Variants in PACRG observed in about 807,000 individuals in gnomAD.
PACRG encodes the protein parkin coregulated gene protein.
In PACRG, 29 loss-of-function variants were observed where a neutral mutation model predicts 29.7. The ratio of observed to expected loss-of-function variants is 0.98; its 90% CI spans 0.73 to 1.33. The LOEUF (loss-of-function observed/expected upper bound fraction) is 1.33, where lower values mean the gene tolerates loss of function less well. Ranked by LOEUF, PACRG falls within the 40% of genes most tolerant of loss-of-function variation. The pLI, the probability that PACRG is intolerant of heterozygous loss-of-function variation, is 0.00. For missense variants in PACRG, 279 were observed against 316.2 expected (o/e 0.88, Z 0.89); for synonymous variants, 116 against 118.7 (o/e 0.98, Z 0.15).
chr6:162,816,601 C>T (rs1787371275), intron 2 of PACRG, among the ~76,000 whole-genome samples: 1 of 152,186 alleles, frequency 6.6e-6, no homozygotes, highest in Non-Finnish European at 1.5e-5. Context: ...ATCCGCCTGT[C>T]TCAGCTTCCC....
At chr6:162,727,360 T>C (rs1159813250), upstream of PACRG, 2 of 399,504 alleles carry the variant, frequency 5.0e-6, no homozygotes, top group East Asian at 5.8e-5. Flanking sequence ...CCCCACACGG[T>C]CCGGGGGACC....
At chr6:162,885,212 CA>C (rs1794227074) in intron 2 of PACRG, among the ~76,000 whole-genome samples, 1 of 149,862 alleles carries the variant, frequency 6.7e-6, no homozygotes, top group Non-Finnish European at 1.5e-5. Context: ...CAATGCTCTG[CA>C]GAGTTTGGCC....
intron 1 of PACRG, among the ~76,000 whole-genome samples, chr6:162,785,886 G>T (rs1414630023): frequency 6.6e-6 from 1 of 152,210 alleles, no homozygotes; most frequent in Non-Finnish European, 1.5e-5. Flanking sequence ...AAACAAGTAA[G>T]AGACTGCTTG....
In PACRG at chr6:163,311,294, AAT is replaced by A. The variant is rs575780642; in HGVS notation, c.614-3528_614-3527del. Among the ~76,000 whole-genome samples the A allele has an allele frequency of 9.1e-4, 138 of 152,254 alleles. 1 individual carries two copies. Among genetic ancestry groups the A allele is most frequent in the African/African-American group, 3.0e-3 (125 of 41,550 alleles). On this transcript the variant is annotated intron_variant, in intron 4 of 4. Transcript: ENST00000366888. ...ATTCTATTTGTTTGATTATAAATAA[AAT>A]ATATCTTTTCCATCATCAATGTATA...
In PACRG at chr6:163,117,786, G is replaced by A. The variant is rs376896930; in HGVS notation, c.613+28378G>A. On this transcript the variant is annotated intron_variant, in intron 4 of 4. Coordinates refer to ENST00000366888, the MANE Select transcript of PACRG (RefSeq NM_001080379.2). Reference sequence around the variant, plus strand: ...AAAAAAAAGTTTCTAATGAAAAAGGGAGGCAAGGTCACTATGTGGAGATTA... The same window carrying A: ...AAAAAAAAGTTTCTAATGAAAAAGGAAGGCAAGGTCACTATGTGGAGATTA... Among the ~76,000 whole-genome samples the A allele has an allele frequency of 1.4e-4, 22 of 152,116 alleles. No individual in the cohort carries two copies. In the East Asian group the frequency reaches 2.5e-3, roughly 17 times the overall value.
intron 2 of PACRG, among the ~76,000 whole-genome samples, chr6:163,023,308 C>T (rs1045538100): frequency 1.3e-5 from 2 of 152,166 alleles, no homozygotes; most frequent in African/African-American, 2.4e-5. Context: ...TCCCACTTAT[C>T]AGTGAGAACA....
intron 1 of PACRG, among the ~76,000 whole-genome samples, chr6:162,810,044 G>A (rs1420378266): frequency 6.6e-6 from 1 of 152,102 alleles, no homozygotes; most frequent in Non-Finnish European, 1.5e-5. Flanking sequence ...AGGGTAATGA[G>A]GCCACACTGT....
intron 2 of PACRG, among the ~76,000 whole-genome samples, chr6:162,937,375 TAG>T (rs1798307580): frequency 6.6e-6 from 1 of 152,078 alleles, no homozygotes; most frequent in African/African-American, 2.4e-5. Context: ...AGTGCAGGTG[TAG>T]AGAGAGAAGG....
intron 4 of PACRG, among the ~76,000 whole-genome samples, chr6:163,193,851 C>CAAATCCAT (rs1320798345): frequency 6.7e-6 from 1 of 150,370 alleles, no homozygotes; most frequent in Non-Finnish European, 1.5e-5. Context: ...GAGACTTTTT[C>CAAATCCAT]AAATCCATGT....
At chr6:162,852,005 G>GGAAGGAAGGAAGGAAAGGA (rs1562663902) in intron 2 of PACRG, among the ~76,000 whole-genome samples, 291 of 116,100 alleles carry the variant, frequency 2.5e-3, no homozygotes, top group African/African-American at 9.2e-3. Flanking sequence ...GGGAGGGAGG[G>GGAAGGAAGGAAGGAAAGGA]AGGAAGGAAG....
chr6:162,858,333 T>C (rs1306218332), intron 2 of PACRG, among the ~76,000 whole-genome samples: 1 of 152,044 alleles, frequency 6.6e-6, no homozygotes, highest in African/African-American at 2.4e-5. Flanking sequence ...CCATCAGATC[T>C]CATGAGAACT....
chr6:162,909,847 T>G (rs1796188949), intron 2 of PACRG, among the ~76,000 whole-genome samples: 1 of 152,210 alleles, frequency 6.6e-6, no homozygotes, highest in African/African-American at 2.4e-5. Context: ...GGGGATTGAA[T>G]GAATGGTTGA....
intron 3 of PACRG, among the ~76,000 whole-genome samples, chr6:163,065,507 ACT>A (rs1491386865): frequency 1.2e-4 from 18 of 152,116 alleles, no homozygotes; most frequent in African/African-American, 4.1e-4. Context: ...CAACCAGCAA[ACT>A]CTAACAATCT....
intron 4 of PACRG, among the ~76,000 whole-genome samples, chr6:163,281,083 A>T (rs1784210672): frequency 6.6e-6 from 1 of 151,894 alleles, no homozygotes; most frequent in Admixed American, 6.6e-5. Context: ...AGATGGGGGG[A>T]TGCTCCAGGT....
At chr6:162,782,479 T>C (rs960464328) in intron 1 of PACRG, among the ~76,000 whole-genome samples, 1 of 151,864 alleles carries the variant, frequency 6.6e-6, no homozygotes, top group Non-Finnish European at 1.5e-5. Context: ...AATTTAAGAG[T>C]GTGAATTAGT....
At chr6:162,933,709 G>A (rs1160810480) in intron 2 of PACRG, among the ~76,000 whole-genome samples, 4 of 126,070 alleles carry the variant, frequency 3.2e-5, no homozygotes, top group Non-Finnish European at 6.4e-5. Context: ...TCTTCCATTT[G>A]TCTTAGTCCA....
intron 4 of PACRG, among the ~76,000 whole-genome samples, chr6:163,188,796 C>A (rs571131134): frequency 2.2e-4 from 34 of 152,288 alleles, no homozygotes; most frequent in African/African-American, 7.5e-4. Context: ...GAAAAACTGT[C>A]GTCATTGCCC....
At chr6:163,233,191 T>G (rs1168817460) in intron 4 of PACRG, among the ~76,000 whole-genome samples, 2 of 152,264 alleles carry the variant, frequency 1.3e-5, no homozygotes, top group African/African-American at 2.4e-5. Flanking sequence ...ATCCTTTGTA[T>G]TTTTCTCACC....
chr6:163,294,119 T>G (rs771055838), intron 4 of PACRG, among the ~76,000 whole-genome samples: 36 of 152,254 alleles, frequency 2.4e-4, no homozygotes, highest in Admixed American at 9.8e-4. Context: ...AAACAAAAAA[T>G]GCAATTGTGG....
Sources: allele counts gnomAD v4.1 joint callset (sites outside exome capture counted in the v4.1 genomes callset), GRCh38; gene constraint gnomAD v4.1.1; transcripts MANE v1.5; gene names NCBI Gene and HGNC (gene_info 2026-07-23, HGNC 2026-07-21).